PCDHA3: variants seen among roughly 807,000 people sequenced by gnomAD.
PCDHA3 encodes protocadherin alpha 3.
A neutral mutation model predicts 62.2 loss-of-function variants in PCDHA3; 41 were observed. That is an observed-to-expected ratio of 0.66 (90% CI 0.51 to 0.86). The LOEUF (loss-of-function observed/expected upper bound fraction) is 0.86, where lower values mean the gene tolerates loss of function less well. PCDHA3 is among the 40% of genes least tolerant of loss of function. PCDHA3 has a pLI of 0.00. For missense variants in PCDHA3, 1,304 were observed against 1,241.2 expected (o/e 1.05, Z -0.76); for synonymous variants, 640 against 555.4 (o/e 1.15, Z -2.14).
intron 1 of PCDHA3, chr5:140,877,734 G>A (rs2057311538): frequency 1.9e-6 from 3 of 1,614,070 alleles, no homozygotes; most frequent in African/African-American, 2.7e-5. Flanking sequence ...CGCAGCAGAG[G>A]AGGCAGAGGG....
chr5:140,869,748 A>G, intron 1 of PCDHA3: 1 of 1,613,334 alleles, frequency 6.2e-7, no homozygotes, highest in Admixed American at 1.7e-5. Flanking sequence ...TAACAGCTAC[A>G]GACGGGGGAA....
intron 1 of PCDHA3, among the ~76,000 whole-genome samples, chr5:140,970,865 T>C (rs1255232385): frequency 6.6e-6 from 1 of 152,180 alleles, no homozygotes; most frequent in Non-Finnish European, 1.5e-5. Context: ...CCATTCCTGA[T>C]TGAGAGTAGA....
At chr5:140,885,157 C>G (rs2060491561) in intron 1 of PCDHA3, among the ~76,000 whole-genome samples, 1 of 151,962 alleles carries the variant, frequency 6.6e-6, no homozygotes, top group African/African-American at 2.4e-5. Context: ...TTGATTGTCT[C>G]TACTTTTTTG....
intron 1 of PCDHA3, among the ~76,000 whole-genome samples, chr5:140,952,723 A>G (rs979234260): frequency 6.6e-6 from 1 of 152,168 alleles, no homozygotes; most frequent in Non-Finnish European, 1.5e-5. Flanking sequence ...AATTTTCTGT[A>G]CTAGTCTTTT....
At chr5:141,006,415 G>C (rs185861703) in intron 3 of PCDHA3, among the ~76,000 whole-genome samples, 2 of 152,146 alleles carry the variant, frequency 1.3e-5, no homozygotes, top group African/African-American at 2.4e-5. Flanking sequence ...CGGTTTCACT[G>C]TGTTAGCCAG....
At chr5:140,916,377 C>T (rs1436518298) in intron 1 of PCDHA3, among the ~76,000 whole-genome samples, 4 of 152,092 alleles carry the variant, frequency 2.6e-5, no homozygotes, top group African/African-American at 9.7e-5. Flanking sequence ...CTGTAGCCAC[C>T]ACAACTAGGA....
rs558780713 is a variant in PCDHA3, at chr5:140,870,170, T to C, written c.2394+66579T>C. ...GAAGTCGCCGTGACTTCCTTGTCCCTCCCAGTACGAGAGGACGCTCAGCCC... is the reference window on the plus strand; with the variant it reads ...GAAGTCGCCGTGACTTCCTTGTCCCCCCCAGTACGAGAGGACGCTCAGCCC... On this transcript the variant is annotated intron_variant, in intron 1 of 3. Coordinates refer to ENST00000522353, the MANE Select transcript of PCDHA3 (RefSeq NM_018906.3). 8 of 1,614,100 alleles carry C rather than the reference T, an allele frequency of 5.0e-6. No homozygotes were observed. In the Admixed American group the frequency reaches 1.0e-4, roughly 20 times the overall value.
rs1554121775 is a variant in PCDHA3 at position 140,801,937 on chromosome 5, A to G, written c.740A>G (p.Tyr247Cys). The G allele has an allele frequency of 2.5e-6, 4 of 1,614,206 alleles. No individual in the cohort carries two copies. Among genetic ancestry groups the G allele is most frequent in the East Asian group, 4.5e-5 (2 of 44,886 alleles). Residue 247 changes from tyrosine (Y) to cysteine (C), a missense_variant, in exon 1 of 4, where the codon TAT becomes TGT. Transcript: ENST00000522353. ...DNAPAFERTI[Y>C]KVRLLENAPN... is the part of the protein sequence containing the mutation. ...GCCCCAGCGTTTGAGAGGACGATCT[A>G]TAAAGTCAGATTACTCGAAAATGCA...
intron 1 of PCDHA3, among the ~76,000 whole-genome samples, chr5:140,975,382 A>G (rs1219046015): frequency 1.3e-5 from 2 of 152,258 alleles, no homozygotes; most frequent in African/African-American, 4.8e-5. Flanking sequence ...AATCATGGGA[A>G]TAAGATCCAT....
At chr5:140,827,817 A>G (rs1769419450) in intron 1 of PCDHA3, 3 of 368,424 alleles carry the variant, frequency 8.1e-6, no homozygotes, top group Non-Finnish European at 9.6e-6. Flanking sequence ...AGGAGGGTTT[A>G]CTATAAAAGT....
At chr5:140,862,414 C>T in intron 1 of PCDHA3, 2 of 351,200 alleles carry the variant, frequency 5.7e-6, no homozygotes, top group South Asian at 2.2e-5. Flanking sequence ...CTTCAAAAGG[C>T]GCTGCCCAGA....
intron 1 of PCDHA3, chr5:140,807,902 GC>G (rs868922197): frequency 1.9e-6 from 3 of 1,614,116 alleles, no homozygotes; most frequent in Non-Finnish European, 2.5e-6. Context: ...CAATGACAAT[GC>G]CCCAGCTTTT....
At chr5:140,846,871 A>G (rs1338632636) in intron 1 of PCDHA3, among the ~76,000 whole-genome samples, 1 of 149,786 alleles carries the variant, frequency 6.7e-6, no homozygotes, top group Non-Finnish European at 1.5e-5. Flanking sequence ...AACAGGTACA[A>G]GAGGTAAATC....
At chr5:140,915,626 G>GTC (rs57920489) in intron 1 of PCDHA3, among the ~76,000 whole-genome samples, 4,335 of 146,228 alleles carry the variant, frequency 0.03, 91 homozygotes, top group African/African-American at 0.067. Flanking sequence ...GTCTCTTTCT[G>GTC]TCTCTCTCTC....
At chr5:140,936,972 T>C (rs2091238144) in intron 1 of PCDHA3, among the ~76,000 whole-genome samples, 2 of 152,314 alleles carry the variant, frequency 1.3e-5, no homozygotes, top group South Asian at 4.1e-4. Context: ...TATAAAAATA[T>C]GAAGCTTGTT....
At chr5:140,871,077 G>GACGGCC (rs782552854) in intron 1 of PCDHA3, 6 of 1,613,222 alleles carry the variant, frequency 3.7e-6, no homozygotes, top group Non-Finnish European at 5.1e-6. Context: ...AGCCGGCGCT[G>GACGGCC]ACGGCCACGG....
At chr5:140,905,360 T>C (rs2071771480) in intron 1 of PCDHA3, among the ~76,000 whole-genome samples, 2 of 152,238 alleles carry the variant, frequency 1.3e-5, no homozygotes, top group Non-Finnish European at 2.9e-5. Context: ...TTTGACTATA[T>C]TTCTGGTTCT....
At chr5:140,866,293 T>TAG (rs2049266972) in intron 1 of PCDHA3, 1 of 152,272 alleles carries the variant, frequency 6.6e-6, no homozygotes, top group East Asian at 1.9e-4. Context: ...GGGACAAGTA[T>TAG]AGATGTTGAT....
intron 1 of PCDHA3, chr5:140,877,410 C>G (rs1339534741): frequency 7.4e-6 from 12 of 1,613,922 alleles, no homozygotes; most frequent in Non-Finnish European, 9.3e-6. Context: ...CGCGCCACCG[C>G]CTGCTGGTGC....
Sources: allele counts gnomAD v4.1 joint callset (sites outside exome capture counted in the v4.1 genomes callset), GRCh38; gene constraint gnomAD v4.1.1; transcripts MANE v1.5; gene names NCBI Gene and HGNC (gene_info 2026-07-23, HGNC 2026-07-21).